SNX27: variants seen among roughly 807,000 people sequenced by gnomAD.
The protein encoded by SNX27 is sorting nexin 27, also known as sorting nexin-27.
Under a neutral mutation model 71.6 loss-of-function variants are expected in SNX27, and 22 were observed. The ratio of observed to expected loss-of-function variants is 0.31; its 90% CI spans 0.22 to 0.44. The LOEUF (loss-of-function observed/expected upper bound fraction) is 0.44, where lower values mean the gene tolerates loss of function less well. SNX27 is among the 20% of genes least tolerant of loss of function. The pLI is 1.00. For synonymous variants in SNX27, 269 were observed against 277.2 expected, an observed-to-expected ratio of 0.97 and a Z score of 0.29; for missense variants, 531 against 698.6, an observed-to-expected ratio of 0.76 and a Z score of 2.70.
At chr1:151,668,882 A>G (rs1670333959) in intron 7 of SNX27, among the ~76,000 whole-genome samples, 1 of 152,186 alleles carries the variant, frequency 6.6e-6, no homozygotes, top group African/African-American at 2.4e-5. Context: ...ACAATAGAAA[A>G]TGAGCATTGT....
chr1:151,657,064 G>C (rs189690274), intron 2 of SNX27, among the ~76,000 whole-genome samples: 37 of 152,312 alleles, frequency 2.4e-4, no homozygotes, highest in African/African-American at 8.7e-4. Flanking sequence ...GAATAGAGGA[G>C]GCGGAGACTA....
chr1:151,695,542 C>T lies in SNX27; in HGVS notation c.*1125C>T, dbSNP rs1028256394. 1 of 150,618 alleles carries T rather than the reference C, an allele frequency of 6.6e-6. No homozygotes were observed. Among genetic ancestry groups the T allele is most frequent in the African/African-American group, 2.4e-5 (1 of 40,974 alleles). 9.3% of individuals were successfully genotyped at this position (150,618 alleles called of 1,614,324 possible). A position where few individuals can be genotyped will look rare whatever the true frequency, so the allele number is the denominator to read the frequency against. ...TCAGGTGATCCTTCCGCCTCACCCT[C>T]CTGAGTAGCTGGGACTACAGGTGTG... On this transcript the variant is annotated 3_prime_UTR_variant, in exon 12 of 12. Transcript: ENST00000458013.
chr1:151,660,629 T>C (rs1021400249), intron 3 of SNX27, 169 bp from the exon 4 acceptor site: 3 of 586,630 alleles, frequency 5.1e-6, no homozygotes, highest in East Asian at 2.8e-5. Context: ...TGAATGTTTG[T>C]CATGCCTTAA....
intron 1 of SNX27, among the ~76,000 whole-genome samples, chr1:151,635,290 A>AC (rs1305526984): frequency 6.6e-6 from 1 of 152,098 alleles, no homozygotes; most frequent in Non-Finnish European, 1.5e-5. Context: ...GATGATATTA[A>AC]CCCCATTTTA....
At chr1:151,680,240 T>A (rs1670878276) in intron 7 of SNX27, 1 of 150,080 alleles carries the variant, frequency 6.7e-6, no homozygotes, top group Non-Finnish European at 1.5e-5. Context: ...AGATGTAACC[T>A]CCGTCTTCCG....
chr1:151,646,408 T>G (rs1428777267), intron 2 of SNX27, among the ~76,000 whole-genome samples: 1 of 151,916 alleles, frequency 6.6e-6, no homozygotes, highest in Non-Finnish European at 1.5e-5. Context: ...ATCTATGTTG[T>G]ATCATTATTT....
chr1:151,659,954 A>C (rs1393423519), intron 3 of SNX27: 1 of 152,184 alleles, frequency 6.6e-6, no homozygotes, highest in Non-Finnish European at 1.5e-5. Flanking sequence ...TGAATATTTT[A>C]AAAACTTTTG....
intron 1 of SNX27, among the ~76,000 whole-genome samples, chr1:151,624,012 A>G (rs552838387): frequency 8.5e-5 from 13 of 152,232 alleles, no homozygotes; most frequent in Non-Finnish European, 1.6e-4. Flanking sequence ...CCCATGCTGG[A>G]GTGCAGTGGC....
At chr1:151,665,604 A>T (rs188301310) in intron 5 of SNX27, among the ~76,000 whole-genome samples, 14 of 152,358 alleles carry the variant, frequency 9.2e-5, no homozygotes, top group Non-Finnish European at 2.1e-4. Context: ...GGTGTTAAAA[A>T]TAGAATGAAG....
chr1:151,612,545 C>T lies in SNX27; in HGVS notation c.311+33C>T, dbSNP rs2102579436. 6 of 1,306,056 alleles carry T rather than the reference C, an allele frequency of 4.6e-6. No homozygotes were observed. The highest frequency in any genetic ancestry group is 5.9e-6 in the Non-Finnish European group (6 of 1,020,032). The allele number at this position is 1,306,056 out of a possible 1,614,324, so 80.9% of individuals were successfully genotyped here. A position where few individuals can be genotyped will look rare whatever the true frequency, so the allele number is the denominator to read the frequency against. ...TCGGGGCTACCCGCCGCCCCATCCT[C>T]CCCGCGCCCCTCCTGCCCCTGCACT... On this transcript the variant is annotated intron_variant, in intron 1 of 11. Transcript: ENST00000458013. The surrounding 1 kb of genome is among the most constrained non-coding windows in gnomAD (Gnocchi z 5.2).
At chr1:151,647,990 G>GT (rs1391586550) in intron 2 of SNX27, among the ~76,000 whole-genome samples, 1 of 150,688 alleles carries the variant, frequency 6.6e-6, no homozygotes, top group Non-Finnish European at 1.5e-5. Flanking sequence ...CATTTAAGAA[G>GT]TTAAAAAAAA....
chr1:151,681,325 TC>T (rs1055677019), intron 7 of SNX27, among the ~76,000 whole-genome samples: 13 of 148,106 alleles, frequency 8.8e-5, no homozygotes, highest in Non-Finnish European at 1.5e-4. Flanking sequence ...CACTGCAAGT[TC>T]CGCCTCCTGG....
At chr1:151,619,724 A>G (rs900721461) in intron 1 of SNX27, among the ~76,000 whole-genome samples, 2 of 152,184 alleles carry the variant, frequency 1.3e-5, no homozygotes, top group African/African-American at 2.4e-5. Context: ...TCTGAAAAAC[A>G]GTAATTTAGG....
At chr1:151,662,130 G>T in intron 4 of SNX27, 36 bp from the exon 5 acceptor site, 1 of 1,449,840 alleles carries the variant, frequency 6.9e-7, no homozygotes, top group Non-Finnish European at 9.7e-7. Context: ...AAGATATACT[G>T]GGCCATAAAT....
In SNX27 at chr1:151,698,891, T is replaced by A. The variant is rs529655994; in HGVS notation, c.*4474T>A. 2.6e-5 allele frequency: 4 copies of A among 152,682 alleles called. No individual in the cohort carries two copies. Among genetic ancestry groups the A allele is most frequent in the African/African-American group, 9.6e-5 (4 of 41,462 alleles). The allele number at this position is 152,682 out of a possible 1,614,324, so 9.5% of individuals were successfully genotyped here. On this transcript the variant is annotated 3_prime_UTR_variant, in exon 12 of 12. Transcript: ENST00000458013. ...AGAGAAACTCTAATTGTATTTTCAC[T>A]GCAGTATCTTGTATTTTTTATTTGT...
chr1:151,619,647 T>C (rs1667582913), intron 1 of SNX27, among the ~76,000 whole-genome samples: 1 of 152,154 alleles, frequency 6.6e-6, no homozygotes, highest in Admixed American at 6.5e-5. Flanking sequence ...TTCTTTGTTC[T>C]GTTTTTTTGA....
At chr1:151,675,810 C>CTTTCTTTTTTTT (rs1670665258) in intron 7 of SNX27, 1 of 31,464 alleles carries the variant, frequency 3.2e-5, no homozygotes, top group Non-Finnish European at 6.0e-5. Context: ...TTCTTTCTTT[C>CTTTCTTTTTTTT]TTTTTTTTTT....
chr1:151,625,774 A>T (rs1302496381), intron 1 of SNX27, among the ~76,000 whole-genome samples: 1 of 136,264 alleles, frequency 7.3e-6, no homozygotes, highest in Non-Finnish European at 1.6e-5. Flanking sequence ...ACAGAGCAAG[A>T]CTCTGTGTCC....
chr1:151,665,951 G>A lies in SNX27; in HGVS notation c.925G>A (p.Gly309Ser). ...ACCTTAGGCTATCGCAGCAAAGGTT[G>A]GCATGGACAGTACGACAGTGAATTA... ...QVYQAIAAKVGMDSTTVNYFA... is the reference protein window; with the variant it reads ...QVYQAIAAKVSMDSTTVNYFA... The change falls in exon 6 of 12, where the codon GGC (glycine) becomes AGC (serine). Residue 309 changes from glycine (G) to serine (S), a missense_variant. This residue lies in a region of SNX27 where 184 missense variants were observed against 289.6 expected (regional missense o/e 0.64). Transcript: ENST00000458013. 1.2e-6 allele frequency: 2 copies of A among 1,604,546 alleles called. No individual in the cohort carries two copies. The highest frequency in any genetic ancestry group is 1.7e-6 in the Non-Finnish European group (2 of 1,174,176).
Sources: gnomAD v4.1 joint callset for allele counts (sites outside exome capture counted in the v4.1 genomes callset) on GRCh38, gnomAD v4.1.1 for gene constraint, gnomAD v4.1.1 regional missense constraint, Gnocchi (gnomAD v3.1) non-coding constraint, MANE v1.5 for transcripts, NCBI Gene and HGNC (gene_info 2026-07-23, HGNC 2026-07-21) for gene names.